Variants in CDH12 observed in about 807,000 individuals in gnomAD.
The protein encoded by CDH12 is cadherin-12.
In CDH12, 41 loss-of-function variants were observed where a neutral mutation model predicts 74.1. The ratio of observed to expected loss-of-function variants is 0.55; its 90% confidence interval spans 0.43 to 0.72. The LOEUF (loss-of-function observed/expected upper bound fraction) is 0.72, where lower values mean the gene tolerates loss of function less well. CDH12 is among the 30% of genes least tolerant of loss of function. The pLI, the probability that CDH12 is intolerant of heterozygous loss-of-function variation, is 0.00. For missense variants in CDH12, 945 were observed against 977.2 expected (o/e 0.97, Z 0.44); for synonymous variants, 399 against 355.0 (o/e 1.12, Z -1.39).
At chr5:22,706,768 G>T (rs1446861825) in intron 1 of CDH12, among the ~76,000 whole-genome samples, 1 of 152,088 alleles carries the variant, frequency 6.6e-6, no homozygotes, top group African/African-American at 2.4e-5. Flanking sequence ...CTGAGAAAAA[G>T]TTGTTGGGAT....
intron 2 of CDH12, among the ~76,000 whole-genome samples, chr5:22,487,041 G>A (rs1183843756): frequency 1.6e-4 from 3 of 18,920 alleles, no homozygotes; most frequent in South Asian, 9.2e-4. Flanking sequence ...ATATACATAC[G>A]GCTTTTTTTG....
intron 7 of CDH12, among the ~76,000 whole-genome samples, chr5:21,848,568 C>A (rs933034672): frequency 6.6e-6 from 1 of 151,882 alleles, no homozygotes; most frequent in African/African-American, 2.4e-5. Flanking sequence ...AATACTAGTA[C>A]ATTCTTGAAT....
At chr5:21,830,820 AAG>A (rs1368912152) in intron 8 of CDH12, among the ~76,000 whole-genome samples, 1 of 151,888 alleles carries the variant, frequency 6.6e-6, no homozygotes, top group Non-Finnish European at 1.5e-5. Context: ...GGTGGATCAC[AAG>A]GTCAGGAGTT....
At chr5:21,984,203 T>C (rs548995158) in intron 5 of CDH12, among the ~76,000 whole-genome samples, 12 of 152,276 alleles carry the variant, frequency 7.9e-5, no homozygotes, top group Non-Finnish European at 1.8e-4. Flanking sequence ...GAATCAATCA[T>C]TTCTTCTACT....
intron 3 of CDH12, among the ~76,000 whole-genome samples, chr5:22,343,479 G>A (rs552605250): frequency 4.9e-4 from 74 of 152,144 alleles, no homozygotes; most frequent in African/African-American, 1.6e-3. Context: ...GTGCAGTGGC[G>A]CGATCTTGGC....
At chr5:22,203,296 C>T (rs924181628) in intron 4 of CDH12, among the ~76,000 whole-genome samples, 1 of 152,186 alleles carries the variant, frequency 6.6e-6, no homozygotes, top group Non-Finnish European at 1.5e-5. Context: ...CTCTCTACTT[C>T]TATGGGATCA....
At chr5:21,881,440 G>T (rs1002230346) in intron 6 of CDH12, among the ~76,000 whole-genome samples, 1 of 152,122 alleles carries the variant, frequency 6.6e-6, no homozygotes. Context: ...TAGTTAAGTG[G>T]TGGAGCTGGG....
At chr5:22,708,116 T>C (rs923638050) in intron 1 of CDH12, among the ~76,000 whole-genome samples, 1 of 152,174 alleles carries the variant, frequency 6.6e-6, no homozygotes, top group Non-Finnish European at 1.5e-5. Flanking sequence ...AAACTTGCAC[T>C]GAAATGCAAA....
intron 1 of CDH12, among the ~76,000 whole-genome samples, chr5:22,610,641 T>C (rs998506383): frequency 7.9e-5 from 12 of 152,092 alleles, no homozygotes; most frequent in African/African-American, 2.7e-4. Flanking sequence ...ATTTTTATAA[T>C]TGTATTCAGC....
rs10074946 is a variant in CDH12 at position 21,815,623 on chromosome 5, T to C, written c.1002+1322A>G. On this transcript the variant is annotated intron_variant, in intron 9 of 14. Coordinates refer to ENST00000382254, the MANE Select transcript of CDH12 (RefSeq NM_004061.5). ...CTAAACAGCTTCCCAGCGCAGTCTG[T>C]CTTTCTCTCTCTCTCGGTTTCTTGG... Among the ~76,000 whole-genome samples, 1,056 of 152,234 alleles carry C rather than the reference T, an allele frequency of 6.9e-3. 10 individuals are homozygous for C. The highest frequency in any genetic ancestry group is 0.022 in the African/African-American group (920 of 41,516).
chr5:21,884,431 A>G (rs1161213612), intron 6 of CDH12: 3 of 876,078 alleles, frequency 3.4e-6, no homozygotes, highest in Non-Finnish European at 5.8e-6. Context: ...CTGGCTGAAA[A>G]TCACTATAAC....
At chr5:21,939,117 C>CTGTA (rs1172548820) in intron 6 of CDH12, among the ~76,000 whole-genome samples, 1 of 147,400 alleles carries the variant, frequency 6.8e-6, no homozygotes, top group Non-Finnish European at 1.5e-5. Context: ...AATGGGTAAG[C>CTGTA]TGTATAGATA....
intron 1 of CDH12, among the ~76,000 whole-genome samples, chr5:22,725,755 C>T (rs1010831854): frequency 6.6e-6 from 1 of 151,600 alleles, no homozygotes. Context: ...TATAGCAGCA[C>T]ATTTCCAAAG....
intron 2 of CDH12, among the ~76,000 whole-genome samples, chr5:22,468,820 A>T (rs1310247609): frequency 6.6e-6 from 1 of 152,202 alleles, no homozygotes; most frequent in Non-Finnish European, 1.5e-5. Context: ...ATAGATACAG[A>T]TATACACACT....
intron 1 of CDH12, among the ~76,000 whole-genome samples, chr5:22,520,575 G>GA (rs536696170): frequency 1.5e-4 from 23 of 151,976 alleles, no homozygotes; most frequent in Admixed American, 1.5e-3. Flanking sequence ...TTAAAATACA[G>GA]AAAAAAATAG....
intron 8 of CDH12, among the ~76,000 whole-genome samples, chr5:21,821,353 T>C (rs1211786434): frequency 2.0e-5 from 3 of 151,898 alleles, no homozygotes; most frequent in African/African-American, 7.2e-5. Flanking sequence ...AGATCTTTAC[T>C]TAAAAATAAA....
At chr5:22,666,301 TG>T (rs59521148) in intron 1 of CDH12, among the ~76,000 whole-genome samples, 51,182 of 105,078 alleles carry the variant, frequency 0.49, 13,840 homozygotes, top group Non-Finnish European at 0.52. Context: ...TTTTTTTTTT[TG>T]TTTTTGAGAC....
chr5:22,474,265 G>A (rs1431847870), intron 2 of CDH12, among the ~76,000 whole-genome samples: 1 of 152,092 alleles, frequency 6.6e-6, no homozygotes, highest in Non-Finnish European at 1.5e-5. Flanking sequence ...GGTCCCAAAG[G>A]AAAAGCCAAG....
At chr5:21,888,364 G>T (rs1752739121) in intron 6 of CDH12, among the ~76,000 whole-genome samples, 2 of 152,116 alleles carry the variant, frequency 1.3e-5, no homozygotes. Context: ...TTAGCTCATA[G>T]AGAGACTACA....
Sources: gnomAD v4.1 joint callset for allele counts (sites outside exome capture counted in the v4.1 genomes callset) on GRCh38, gnomAD v4.1.1 for gene constraint, MANE v1.5 for transcripts, NCBI Gene and HGNC (gene_info 2026-07-23, HGNC 2026-07-21) for gene names.